The following LBP variants were observed in gnomAD, a reference collection of about 807,000 sequenced individuals.
LBP encodes lipopolysaccharide binding protein, also known as lipopolysaccharide-binding protein.
A neutral mutation model predicts 56.6 loss-of-function variants in LBP; 53 were observed. The observed-to-expected ratio is 0.94, with a 90% CI of 0.75 to 1.18. The LOEUF (loss-of-function observed/expected upper bound fraction) is 1.18. LBP is among the 50% of genes most tolerant of loss of function. The probability of loss-of-function intolerance (pLI) is 0.00; values close to 1 mark genes in which losing one functional copy is unlikely to be tolerated. For missense variants in LBP, 601 were observed against 598.3 expected (o/e 1.00, Z -0.05); for synonymous variants, 227 against 247.5 (o/e 0.92, Z 0.78).
Position 38,346,542 on chromosome 20 carries a change from C to T in LBP, c.26C>T (p.Pro9Leu), listed in dbSNP as rs2232580. The T allele has an allele frequency of 0.08, 129,042 of 1,613,648 alleles. 5,549 individuals are homozygous for T. Among genetic ancestry groups the T allele is most frequent in the South Asian group, 0.11 (9,951 of 91,070 alleles). The change falls in exon 1 of 15, where the codon CCG (proline) becomes CTG (leucine). Residue 9 changes from proline (P) to leucine (L), a missense_variant. Physicochemically the swap from Pro to Leu is moderately conservative, Grantham distance 98 (BLOSUM62 -3). Coordinates refer to ENST00000217407, the MANE Select transcript of LBP (RefSeq NM_004139.5). ...ATGGGGGCCTTGGCCAGAGCCCTGCCGTCCATACTGCTGGCATTGCTGCTT... is the reference window on the plus strand; with the variant it reads ...ATGGGGGCCTTGGCCAGAGCCCTGCTGTCCATACTGCTGGCATTGCTGCTT... MGALARAL[P>L]SILLALLLTS...
chr20:38,355,580 G>T (rs1002507815), intron 5 of LBP, among the ~76,000 whole-genome samples, 171 bp downstream of exon 5: 17 of 152,142 alleles, frequency 1.1e-4, no homozygotes, highest in African/African-American at 4.1e-4. Flanking sequence ...TGTGGGGCAC[G>T]CTGGGGACAA....
intron 10 of LBP, 64 bp downstream of exon 10, chr20:38,369,226 C>T (rs2076893184): frequency 3.4e-6 from 5 of 1,484,636 alleles, no homozygotes; most frequent in Non-Finnish European, 4.6e-6. Context: ...CTTTTCCCCA[C>T]ATGCTTTTCT....
chr20:38,376,775 T>TC lies in LBP; in HGVS notation c.*107dup. On this transcript the variant is annotated 3_prime_UTR_variant, in exon 15 of 15. Coordinates refer to ENST00000217407, the MANE Select transcript of LBP (RefSeq NM_004139.5). ...TTGAAGAATGAAGACATTTCTGCTC[T>TC]CAGCTCCGGGGGTGAGGTGTGCCTG... 3 of 1,153,102 alleles carry TC rather than the reference T, an allele frequency of 2.6e-6. No individual in the cohort carries two copies. Among genetic ancestry groups the TC allele is most frequent in the Non-Finnish European group, 3.9e-6 (3 of 769,768 alleles). The allele number at this position is 1,153,102 out of a possible 1,614,324, so 71.4% of individuals were successfully genotyped here. A position where few individuals can be genotyped will look rare whatever the true frequency, so the allele number is the denominator to read the frequency against.
chr20:38,349,063 G>A (rs536837684), intron 1 of LBP, among the ~76,000 whole-genome samples: 20 of 152,276 alleles, frequency 1.3e-4, no homozygotes, highest in Middle Eastern at 3.4e-3. Flanking sequence ...CCAAAGTGCT[G>A]GGATTACAGG....
chr20:38,346,620 C>T lies in LBP; in HGVS notation c.104C>T (p.Thr35Ile). 3 of 1,613,606 alleles carry T rather than the reference C, an allele frequency of 1.9e-6. No individual in the cohort carries two copies. The highest frequency in any genetic ancestry group is 1.7e-5 in the Admixed American group (1 of 60,030). Reference protein sequence around the residue: ...GANPGLVARITDKGLQYAAQE... With the variant: ...GANPGLVARIIDKGLQYAAQE... ...AACCCCGGCTTGGTCGCCAGGATCA[C>T]CGACAAGGGACTGCAGTATGGTAAG... The change falls in exon 1 of 15, where the codon ACC (threonine) becomes ATC (isoleucine). Residue 35 changes from threonine to isoleucine, a missense_variant. Coordinates refer to ENST00000217407, the MANE Select transcript of LBP (RefSeq NM_004139.5).
chr20:38,362,909 C>T (rs2076866420), intron 6 of LBP, among the ~76,000 whole-genome samples: 1 of 152,178 alleles, frequency 6.6e-6, no homozygotes, highest in Non-Finnish European at 1.5e-5. Flanking sequence ...AATTGTGCCA[C>T]TGCACTCCAG....
chr20:38,347,345 G>A lies in LBP; in HGVS notation c.124+705G>A, dbSNP rs1384728135. Among the ~76,000 whole-genome samples the A allele has an allele frequency of 4.0e-5, 6 of 151,880 alleles. No homozygotes were observed. The East Asian group carries it at 9.7e-4, about 25-fold the overall frequency. On this transcript the variant is annotated intron_variant, in intron 1 of 14. Transcript: ENST00000217407. ...GATAGCTTCAGGCCAGGAGTTCGAG[G>A]CAAGCCTGGCCAACATGGTGAAGCC...
intron 10 of LBP, 145 bp downstream of exon 10, chr20:38,369,307 G>A: frequency 1.2e-6 from 1 of 812,394 alleles, no homozygotes; most frequent in East Asian, 2.7e-5. Context: ...GGGCTTTCTT[G>A]CTGGCCCTTA....
At chr20:38,365,009 C>A (rs567132969) in intron 8 of LBP, among the ~76,000 whole-genome samples, 1 of 152,086 alleles carries the variant, frequency 6.6e-6, no homozygotes, top group East Asian at 1.9e-4. Flanking sequence ...CTGAGGCGGG[C>A]GGATCACTTG....
intron 11 of LBP, 65 bp downstream of exon 11, chr20:38,370,870 T>C (rs997466090): frequency 1.3e-5 from 17 of 1,307,508 alleles, no homozygotes; most frequent in Non-Finnish European, 1.9e-5. Context: ...TGTAGCTGCT[T>C]CTCTGTAGCT....
chr20:38,369,336 C>G (rs11536983), intron 10 of LBP, among the ~76,000 whole-genome samples, 174 bp downstream of exon 10: 1 of 152,146 alleles, frequency 6.6e-6, no homozygotes, highest in African/African-American at 2.4e-5. Flanking sequence ...CTACCTTACG[C>G]CCCTTGCCAC....
At position 38,348,292 on chromosome 20, in the gene LBP, G is replaced by A. The variant is rs1344839688; in HGVS notation, c.125-1256G>A. ...CATGTTTATGTAACCAGTCCTCTGAGGTTGGACATTTTGGTCCTTTCCATA... is the reference window on the plus strand; with the variant it reads ...CATGTTTATGTAACCAGTCCTCTGAAGTTGGACATTTTGGTCCTTTCCATA... On this transcript the variant is annotated intron_variant, in intron 1 of 14. Coordinates refer to ENST00000217407, the MANE Select transcript of LBP (RefSeq NM_004139.5). 3.3e-5 allele frequency among the ~76,000 whole-genome samples: 5 copies of A among 152,186 alleles called. No individual in the cohort carries two copies. In the East Asian group the frequency reaches 7.7e-4, roughly 24 times the overall value.
intron 1 of LBP, among the ~76,000 whole-genome samples, chr20:38,347,349 G>A (rs2076804573): frequency 6.6e-6 from 1 of 151,996 alleles, no homozygotes; most frequent in African/African-American, 2.4e-5. Context: ...TTCGAGGCAA[G>A]CCTGGCCAAC....
In LBP at chr20:38,354,410, C is replaced by T. The variant is rs148493859; in HGVS notation, c.495C>T (p.Asp165=). The T allele has an allele frequency of 4.7e-5, 76 of 1,612,842 alleles. No individual in the cohort carries two copies. Among genetic ancestry groups the T allele is most frequent in the Non-Finnish European group, 5.9e-5 (70 of 1,179,768 alleles). ...CCAGCTGCAGCAGTGACATCGCTGA[C>T]GTGGAGGTGGACATGTCGGGAGACT... is the stretch of plus-strand genomic sequence containing the variant. ...TASSCSSDIA[D]VEVDMSGDLG... The change falls in exon 4 of 15, where the codon GAC becomes GAT. Residue 165 remains aspartate, a synonymous_variant. Transcript: ENST00000217407.
At chr20:38,368,971 G>A in intron 9 of LBP, 24 bp from the exon 10 acceptor site, 2 of 1,611,960 alleles carry the variant, frequency 1.2e-6, no homozygotes, top group Non-Finnish European at 1.7e-6. Context: ...TTCTCTTGAT[G>A]TAATCTCCTA....
chr20:38,359,613 T>C (rs2076852808), intron 5 of LBP, among the ~76,000 whole-genome samples: 1 of 152,118 alleles, frequency 6.6e-6, no homozygotes, highest in African/African-American at 2.4e-5. Flanking sequence ...AAAAAAACTC[T>C]TTTCTCAATG....
intron 11 of LBP, 85 bp downstream of exon 11, chr20:38,370,890 G>A (rs2076898591): frequency 2.7e-6 from 3 of 1,126,766 alleles, no homozygotes; most frequent in Non-Finnish European, 2.7e-6. Context: ...TGGTGGGAGG[G>A]GGGGCCACCA....
intron 8 of LBP, among the ~76,000 whole-genome samples, chr20:38,365,706 AAAAAAAAAAAAATATATATAT>A (rs1568833556): frequency 2.6e-5 from 2 of 76,702 alleles, no homozygotes; most frequent in Non-Finnish European, 2.5e-5. Flanking sequence ...CAAAAAAAAA[AAAAAAAAAAAAATATATATAT>A]ATATATATAT....
chr20:38,367,602 T>A (rs544683202), intron 9 of LBP, among the ~76,000 whole-genome samples: 1 of 152,342 alleles, frequency 6.6e-6, no homozygotes, highest in Non-Finnish European at 1.5e-5. Flanking sequence ...TTTGCCAATA[T>A]TACCAGATTT....
Sources: gnomAD v4.1 joint callset for allele counts (sites outside exome capture counted in the v4.1 genomes callset) on GRCh38, gnomAD v4.1.1 for gene constraint, MANE v1.5 for transcripts, NCBI Gene and HGNC (gene_info 2026-07-23, HGNC 2026-07-21) for gene names.